The following DYNC1I1 variants were observed in gnomAD, a reference collection of about 807,000 sequenced individuals.
The protein encoded by DYNC1I1 is cytoplasmic dynein 1 intermediate chain 1.
In DYNC1I1, 43 loss-of-function variants were observed where a neutral mutation model predicts 86.6. That is an observed-to-expected ratio of 0.50 (90% CI 0.39 to 0.64). The LOEUF (loss-of-function observed/expected upper bound fraction) is 0.64, where lower values mean the gene tolerates loss of function less well. Ranked by LOEUF, DYNC1I1 falls within the 30% of genes least tolerant of loss-of-function variation. The pLI is 0.00. For missense variants in DYNC1I1, 604 were observed against 788.8 expected (o/e 0.77, Z 2.81); for synonymous variants, 262 against 283.7 (o/e 0.92, Z 0.77).
chr7:96,085,614 A>C (rs1163991191), intron 16 of DYNC1I1, among the ~76,000 whole-genome samples: 1 of 152,188 alleles, frequency 6.6e-6, no homozygotes, highest in Non-Finnish European at 1.5e-5. Context: ...ATTAGCATAA[A>C]TGGAAGTTAT....
At chr7:96,004,363 T>C (rs893440243) in intron 10 of DYNC1I1, among the ~76,000 whole-genome samples, 1 of 152,176 alleles carries the variant, frequency 6.6e-6, no homozygotes, top group Non-Finnish European at 1.5e-5. Context: ...ATTGTATCCA[T>C]AATCATTTTA....
At chr7:95,947,780 G>A (rs1792442497) in intron 6 of DYNC1I1, among the ~76,000 whole-genome samples, 1 of 152,192 alleles carries the variant, frequency 6.6e-6, no homozygotes, top group South Asian at 2.1e-4. Context: ...CAGAGTGGGT[G>A]TTTGCCCTTG....
chr7:95,785,278 G>A (rs1269676143), intron 1 of DYNC1I1, among the ~76,000 whole-genome samples: 3 of 152,130 alleles, frequency 2.0e-5, no homozygotes, highest in African/African-American at 4.8e-5. Flanking sequence ...GCCAGGCATG[G>A]TGGTGCGCAT....
At chr7:95,883,276 T>A (rs1790502962) in intron 6 of DYNC1I1, among the ~76,000 whole-genome samples, 1 of 152,170 alleles carries the variant, frequency 6.6e-6, no homozygotes, top group Admixed American at 6.6e-5. Context: ...TGCATTTGTA[T>A]TATTATTAGT....
At chr7:95,835,198 C>A (rs1324605690) in intron 5 of DYNC1I1, among the ~76,000 whole-genome samples, 4 of 98,210 alleles carry the variant, frequency 4.1e-5, no homozygotes, top group Non-Finnish European at 5.9e-5. Context: ...TTTCAAAGAA[C>A]ATCTTTATTT....
intron 10 of DYNC1I1, among the ~76,000 whole-genome samples, chr7:96,019,232 T>C (rs976312099): frequency 6.6e-6 from 1 of 152,114 alleles, no homozygotes; most frequent in Non-Finnish European, 1.5e-5. Context: ...TTGTTATTAA[T>C]TGTAGTCACC....
rs986941017 is a variant in DYNC1I1 at position 96,085,404 on chromosome 7, A to G, written c.1776+4916A>G. On this transcript the variant is annotated intron_variant, in intron 16 of 16. Transcript: ENST00000447467. ...TTTGTTACATTTAAATGACAAAGAC[A>G]TGAGTAATATCCCACAGCCTATGAC... 3.3e-5 allele frequency among the ~76,000 whole-genome samples: 5 copies of G among 152,170 alleles called. No homozygotes were observed. The South Asian group carries it at 6.2e-4, about 19-fold the overall frequency.
chr7:95,882,065 C>A (rs1790468428), intron 6 of DYNC1I1, among the ~76,000 whole-genome samples: 1 of 151,928 alleles, frequency 6.6e-6, no homozygotes, highest in African/African-American at 2.4e-5. Context: ...CCTTCCTTTC[C>A]TATTTCCTTC....
intron 14 of DYNC1I1, among the ~76,000 whole-genome samples, chr7:96,042,631 A>G (rs1240896585): frequency 6.6e-6 from 1 of 152,230 alleles, no homozygotes; most frequent in Non-Finnish European, 1.5e-5. Flanking sequence ...GGCCCAGACA[A>G]CATCAATAAG....
intron 4 of DYNC1I1, chr7:95,818,628 GACCCA>G: frequency 1.9e-6 from 1 of 535,692 alleles, no homozygotes; most frequent in Non-Finnish European, 3.3e-6. Context: ...TTACAGGCAG[GACCCA>G]TTGTGCCCAG....
chr7:95,984,975 T>C lies in DYNC1I1; in HGVS notation c.741T>C (p.Asp247=), dbSNP rs1300842707. The part of the protein sequence containing the change: ...DYSGRELEEK[D]GDVQAGANLS... ...GCGGCCGAGAGTTAGAGGAAAAAGA[T>C]GGGTTAGTCTCTTGTGTGCATTCTT... Residue 247 remains aspartate (D), a splice_region_variant and synonymous_variant, in exon 8 of 17, where the codon GAT becomes GAC. Transcript: ENST00000447467. The C allele has an allele frequency of 1.2e-6, 2 of 1,612,450 alleles. No homozygotes were observed. Among genetic ancestry groups the C allele is most frequent in the Non-Finnish European group, 1.7e-6 (2 of 1,179,382 alleles).
chr7:95,776,393 C>G (rs1037794904), intron 1 of DYNC1I1, among the ~76,000 whole-genome samples: 2 of 152,092 alleles, frequency 1.3e-5, no homozygotes, highest in Non-Finnish European at 2.9e-5. Flanking sequence ...GTTGGAGGAA[C>G]CTTCTTAAAC....
chr7:95,803,402 T>C (rs1323193689), intron 1 of DYNC1I1, among the ~76,000 whole-genome samples: 1 of 152,178 alleles, frequency 6.6e-6, no homozygotes, highest in Admixed American at 6.5e-5. Flanking sequence ...TGTTGAAAAA[T>C]GAAGAAACAG....
intron 6 of DYNC1I1, among the ~76,000 whole-genome samples, chr7:95,926,750 C>T (rs1791756819): frequency 6.6e-6 from 1 of 152,092 alleles, no homozygotes; most frequent in African/African-American, 2.4e-5. Context: ...ATTCAGACTA[C>T]CTCCTCTACC....
chr7:95,813,205 T>G (rs761947806), intron 3 of DYNC1I1, 42 bp from the exon 4 acceptor site: 2 of 1,612,652 alleles, frequency 1.2e-6, no homozygotes, highest in South Asian at 2.2e-5. Flanking sequence ...GTGCAGCCGC[T>G]GCATTTTTTA....
intron 6 of DYNC1I1, among the ~76,000 whole-genome samples, chr7:95,878,460 TAAAC>T (rs1358840930): frequency 6.6e-6 from 1 of 152,194 alleles, no homozygotes; most frequent in African/African-American, 2.4e-5. Flanking sequence ...TAAAGGCACA[TAAAC>T]AAACATTGAA....
At chr7:95,995,920 A>T in intron 9 of DYNC1I1, 28 bp from the exon 10 acceptor site, 2 of 1,565,744 alleles carry the variant, frequency 1.3e-6, no homozygotes, top group Non-Finnish European at 1.7e-6. Flanking sequence ...TCTTAGCATA[A>T]TTCATCCTTG....
rs932955955 is a variant in DYNC1I1 at position 95,924,549 on chromosome 7, C to G, written c.491-52963C>G. ...TACATATGTGGCTTGCATTGTATGT[C>G]CATCGGACAGCAGTGAGCTAGATGG... On this transcript the variant is annotated intron_variant, in intron 6 of 16. Coordinates refer to ENST00000447467, the MANE Select transcript of DYNC1I1 (RefSeq NM_001135556.2). Among the ~76,000 whole-genome samples the G allele has an allele frequency of 8.5e-5, 13 of 152,078 alleles. 1 individual carries two copies. The highest frequency in any genetic ancestry group is 1.7e-4 in the African/African-American group (7 of 41,406).
intron 4 of DYNC1I1, among the ~76,000 whole-genome samples, chr7:95,818,142 G>T (rs996849900): frequency 1.5e-4 from 22 of 151,696 alleles, no homozygotes; most frequent in African/African-American, 5.3e-4. Flanking sequence ...CCGAAGGGGA[G>T]ATTTCTGATG....
Sources: gnomAD v4.1 joint callset for allele counts (sites outside exome capture counted in the v4.1 genomes callset) on GRCh38, gnomAD v4.1.1 for gene constraint, MANE v1.5 for transcripts, NCBI Gene and HGNC (gene_info 2026-07-23, HGNC 2026-07-21) for gene names.